The following DST variants were observed in gnomAD, a reference collection of about 807,000 sequenced individuals.
The protein encoded by DST is bullous pemphigoid antigen.
Under a neutral mutation model 875.2 loss-of-function variants are expected in DST, and 253 were observed. The observed-to-expected ratio is 0.29, with a 90% CI of 0.26 to 0.32. The LOEUF is 0.32. DST is among the 10% of genes least tolerant of loss of function. The probability of loss-of-function intolerance (pLI) is 1.00; values close to 1 mark genes in which losing one functional copy is unlikely to be tolerated. For synonymous variants in DST, 3,124 were observed against 3,197.1 expected, an observed-to-expected ratio of 0.98 and a Z score of 0.77; for missense variants, 8,287 against 9,111.6, an observed-to-expected ratio of 0.91 and a Z score of 3.68.
chr6:56,463,524 G>T (rs772597146), intron 101 of DST, 41 bp downstream of exon 101: 15 of 1,497,288 alleles, frequency 1.0e-5, no homozygotes, highest in Non-Finnish European at 1.3e-5. Context: ...TTGGGACATT[G>T]ATTGCAAAGG....
At chr6:56,845,250 C>T (rs915336646) in intron 4 of DST, among the ~76,000 whole-genome samples, 5 of 152,222 alleles carry the variant, frequency 3.3e-5, no homozygotes, top group Non-Finnish European at 7.3e-5. Context: ...TTCACATATA[C>T]TGACCTTTTG....
At chr6:56,651,071 G>C in intron 11 of DST, 39 bp from the exon 12 acceptor site, 1 of 1,584,984 alleles carries the variant, frequency 6.3e-7, no homozygotes, top group South Asian at 1.1e-5. Flanking sequence ...TCACAATGTT[G>C]ATAAATTACT....
At chr6:56,700,013 G>T (rs1280088648) in intron 8 of DST, among the ~76,000 whole-genome samples, 2 of 152,152 alleles carry the variant, frequency 1.3e-5, no homozygotes, top group Non-Finnish European at 2.9e-5. Context: ...TATACCATAG[G>T]GACTGGGCTG....
rs2099378661 is a variant in DST, at chr6:56,712,728, G to A, written c.688-8359C>T. ...TTTAAATTCCAGCTTTTACTGAAAA[G>A]CTTTTAAAACAGAATTGTAAATACT... On this transcript the variant is annotated intron_variant, in intron 5 of 103. Transcript: ENST00000680361. 2.6e-5 allele frequency among the ~76,000 whole-genome samples: 4 copies of A among 152,034 alleles called. No homozygotes were observed. The South Asian group carries it at 8.3e-4, about 31-fold the overall frequency.
chr6:56,950,191 G>A (rs1273777962), intron 2 of DST, among the ~76,000 whole-genome samples: 1 of 152,032 alleles, frequency 6.6e-6, no homozygotes, highest in African/African-American at 2.4e-5. Context: ...AACTCTTTTG[G>A]TTCCTTTGCC....
chr6:56,713,868 A>G (rs534572118), intron 5 of DST, among the ~76,000 whole-genome samples: 2 of 152,214 alleles, frequency 1.3e-5, no homozygotes, highest in Non-Finnish European at 2.9e-5. Flanking sequence ...TTTATATGCA[A>G]ACTAATTCAC....
intron 49 of DST, among the ~76,000 whole-genome samples, chr6:56,582,869 G>A (rs948464539): frequency 6.6e-6 from 1 of 152,000 alleles, no homozygotes; most frequent in Non-Finnish European, 1.5e-5. Flanking sequence ...CCTTGTGATA[G>A]TTTACTGAGA....
At chr6:56,899,067 T>C (rs926328322) in intron 3 of DST, among the ~76,000 whole-genome samples, 12 of 152,190 alleles carry the variant, frequency 7.9e-5, no homozygotes, top group African/African-American at 2.9e-4. Context: ...AGGCAAGTTA[T>C]GTATCCTCTC....
chr6:56,586,398 A>C (rs1418484959), intron 49 of DST, among the ~76,000 whole-genome samples: 2 of 150,926 alleles, frequency 1.3e-5, no homozygotes, highest in Non-Finnish European at 2.9e-5. Flanking sequence ...AGTCTGTTTT[A>C]TCAGAGACTA....
At chr6:56,893,338 C>T (rs1402491254) in intron 3 of DST, among the ~76,000 whole-genome samples, 1 of 152,152 alleles carries the variant, frequency 6.6e-6, no homozygotes, top group Admixed American at 6.5e-5. Context: ...TTAATTCATT[C>T]CTTTTTATGG....
chr6:56,551,979 C>A (rs981971053), intron 61 of DST, among the ~76,000 whole-genome samples: 3 of 152,158 alleles, frequency 2.0e-5, no homozygotes, highest in Non-Finnish European at 2.9e-5. Flanking sequence ...TTATCTCAGA[C>A]CTTATCCCAC....
At chr6:56,875,581 G>A (rs747765575) in intron 3 of DST, among the ~76,000 whole-genome samples, 9 of 152,150 alleles carry the variant, frequency 5.9e-5, no homozygotes, top group Non-Finnish European at 1.2e-4. Context: ...TCAATAACAT[G>A]TATTTAGGTC....
intron 4 of DST, among the ~76,000 whole-genome samples, chr6:56,823,299 T>A (rs1278300570): frequency 3.3e-5 from 5 of 152,238 alleles, no homozygotes; most frequent in African/African-American, 1.2e-4. Context: ...GTTACTTTTA[T>A]CTAAATTGCA....
In DST at chr6:56,605,408, T is replaced by G; in HGVS notation, c.9220A>C (p.Lys3074Gln). The change falls in exon 40 of 104, where the codon AAA becomes CAA. Residue 3074 changes from lysine to glutamine, a missense_variant. Physicochemically the swap from Lys to Gln is moderately conservative, Grantham distance 53. Coordinates refer to ENST00000680361, the MANE Select transcript of DST (RefSeq NM_001374736.1). ...GLVEEENRHL[K>Q]LLPGKNTRDS... The stretch of plus-strand genomic sequence containing the variant: ...CTTGTATTTTTACCAGGCAAAAGTT[T>G]GAGATGCCTATTTTCTTCTTCTACT... The G allele has an allele frequency of 1.9e-6, 3 of 1,612,904 alleles. No individual in the cohort carries two copies. The highest frequency in any genetic ancestry group is 2.5e-6 in the Non-Finnish European group (3 of 1,179,280).
intron 73 of DST, among the ~76,000 whole-genome samples, chr6:56,510,101 G>A (rs1286182368): frequency 6.6e-6 from 1 of 152,082 alleles, no homozygotes; most frequent in African/African-American, 2.4e-5. Flanking sequence ...AATAGACTTA[G>A]TTTCTTATGA....
At chr6:56,720,836 T>C (rs1005918921) in intron 5 of DST, among the ~76,000 whole-genome samples, 13 of 152,078 alleles carry the variant, frequency 8.5e-5, no homozygotes. Flanking sequence ...ACCGCCATCG[T>C]CATCATGGCC....
chr6:56,587,531 C>A (rs933874858), intron 49 of DST, among the ~76,000 whole-genome samples: 6 of 151,990 alleles, frequency 3.9e-5, no homozygotes, highest in Non-Finnish European at 5.9e-5. Flanking sequence ...GCAAGGCAGG[C>A]CAACATTCAG....
rs150241273 is a variant in DST at position 56,535,926 on chromosome 6, G to A, written c.16771-634C>T. On this transcript the variant is annotated intron_variant, in intron 62 of 103. Coordinates refer to ENST00000680361, the MANE Select transcript of DST (RefSeq NM_001374736.1). Reference sequence around the variant, plus strand: ...TAAAGTAGCTGGCAAGATATTGTAAGTGCTATGGATTATATTTACACCTGA... The same window carrying A: ...TAAAGTAGCTGGCAAGATATTGTAAATGCTATGGATTATATTTACACCTGA... 3.1e-3 allele frequency among the ~76,000 whole-genome samples: 466 copies of A among 152,280 alleles called. 6 individuals carry two copies. Among genetic ancestry groups the A allele is most frequent in the Non-Finnish European group, 1.1e-3 (77 of 68,024 alleles).
At chr6:56,827,870 C>T (rs2099782630) in intron 4 of DST, among the ~76,000 whole-genome samples, 1 of 152,188 alleles carries the variant, frequency 6.6e-6, no homozygotes, top group Non-Finnish European at 1.5e-5. Context: ...GTCTCCCAAA[C>T]TCTCAGAAAC....
Sources: gnomAD v4.1 joint callset for allele counts (sites outside exome capture counted in the v4.1 genomes callset) on GRCh38, gnomAD v4.1.1 for gene constraint, MANE v1.5 for transcripts, NCBI Gene and HGNC (gene_info 2026-07-23, HGNC 2026-07-21) for gene names.